The following DCTN5 variants were observed in gnomAD, a reference collection of about 807,000 sequenced individuals.
DCTN5 encodes dynactin 4.
Under a neutral mutation model 23.5 loss-of-function variants are expected in DCTN5, and 14 were observed. The ratio of observed to expected loss-of-function variants is 0.60; its 90% CI spans 0.39 to 0.93. The LOEUF (loss-of-function observed/expected upper bound fraction) is 0.93. Ranked by LOEUF, DCTN5 falls within the 40% of genes least tolerant of loss-of-function variation. The pLI, the probability that DCTN5 is intolerant of heterozygous loss-of-function variation, is 0.00. For missense variants in DCTN5, 156 were observed against 225.9 expected (o/e 0.69, Z 1.98); for synonymous variants, 67 against 79.6 (o/e 0.84, Z 0.84).
At chr16:23,648,075 C>T (rs555711479) in intron 2 of DCTN5, among the ~76,000 whole-genome samples, 80 of 151,978 alleles carry the variant, frequency 5.3e-4, no homozygotes, top group African/African-American at 1.9e-3. Context: ...TCCACATATC[C>T]CTAAATAATA....
intron 3 of DCTN5, among the ~76,000 whole-genome samples, chr16:23,660,956 T>G (rs74012308): frequency 0.063 from 9,646 of 152,238 alleles, 640 homozygotes; most frequent in African/African-American, 0.16. Flanking sequence ...GTTTTTCCTT[T>G]CATATTTCTT....
chr16:23,646,623 C>T (rs1967465402), intron 2 of DCTN5, among the ~76,000 whole-genome samples: 1 of 151,992 alleles, frequency 6.6e-6, no homozygotes, highest in Non-Finnish European at 1.5e-5. Flanking sequence ...GTCATCCAGG[C>T]TGGAGTGCAG....
intron 2 of DCTN5, among the ~76,000 whole-genome samples, chr16:23,654,850 TA>T (rs1200005754): frequency 6.6e-6 from 1 of 152,210 alleles, no homozygotes; most frequent in Non-Finnish European, 1.5e-5. Context: ...GAACGTGTGA[TA>T]TATGTCTTTC....
At position 23,645,126 on chromosome 16, in the gene DCTN5, TATATATATA is replaced by T. The variant is rs1449007594; in HGVS notation, c.117+2104_117+2112del. ...ATATATATATATATATATATATATA[TATATATATA>T]TATTTTTTTTTTTTTTAATACGCAG... On this transcript the variant is annotated intron_variant, in intron 2 of 5. Transcript: ENST00000300087. 1.9e-3 allele frequency among the ~76,000 whole-genome samples: 73 copies of T among 39,440 alleles called. 1 individual carries two copies. The highest frequency in any genetic ancestry group is 4.0e-3 in the East Asian group (6 of 1,486). The allele number at this position is 39,440 out of a possible 152,430, so 25.9% of individuals were successfully genotyped here. A position where few individuals can be genotyped will look rare whatever the true frequency, so the allele number is the denominator to read the frequency against.
intron 4 of DCTN5, among the ~76,000 whole-genome samples, chr16:23,664,170 C>A (rs1428151371): frequency 1.3e-5 from 2 of 152,138 alleles, no homozygotes; most frequent in African/African-American, 4.8e-5. Context: ...TAGCAGGTAA[C>A]CCACGGAAGA....
intron 2 of DCTN5, chr16:23,650,620 C>T (rs1445153553): frequency 1.0e-5 from 8 of 798,572 alleles, no homozygotes; most frequent in South Asian, 5.1e-5. Context: ...CCACTGCACC[C>T]GGCTGGCCCG....
At chr16:23,666,290 C>T (rs557362077) in intron 5 of DCTN5, among the ~76,000 whole-genome samples, 3 of 152,268 alleles carry the variant, frequency 2.0e-5, no homozygotes, top group African/African-American at 7.2e-5. Flanking sequence ...CCAGGAATTC[C>T]CAGACTGAAA....
intron 2 of DCTN5, among the ~76,000 whole-genome samples, chr16:23,649,640 C>CA (rs1967554961): frequency 1.3e-5 from 2 of 152,004 alleles, no homozygotes; most frequent in Admixed American, 1.3e-4. Context: ...GGCAGGAGTT[C>CA]AAGACCAGCC....
chr16:23,666,315 A>G (rs919768379), intron 5 of DCTN5, among the ~76,000 whole-genome samples: 8 of 152,206 alleles, frequency 5.3e-5, no homozygotes, highest in African/African-American at 1.4e-4. Flanking sequence ...AGCATAAACC[A>G]TGGTCTAAGA....
At chr16:23,655,585 C>G (rs566993389) in intron 2 of DCTN5, among the ~76,000 whole-genome samples, 4 of 151,528 alleles carry the variant, frequency 2.6e-5, no homozygotes, top group Non-Finnish European at 4.4e-5. Flanking sequence ...GCTCTGTCAC[C>G]CAGGTGGGAG....
In DCTN5 at chr16:23,645,112, TATATATATATATATATATA is replaced by T. The variant is rs1251183055; in HGVS notation, c.117+2090_117+2108del. ...ATATATATATATATATATATATATA[TATATATATATATATATATA>T]TATATATTTTTTTTTTTTTTAATAC... On this transcript the variant is annotated intron_variant, in intron 2 of 5. Coordinates refer to ENST00000300087, the MANE Select transcript of DCTN5 (RefSeq NM_032486.4). Among the ~76,000 whole-genome samples, 57 of 39,830 alleles carry T rather than the reference TATATATATATATATATATA, an allele frequency of 1.4e-3. 2 individuals carry two copies. The highest frequency in any genetic ancestry group is 2.1e-3 in the Admixed American group (7 of 3,262). The allele number at this position is 39,830 out of a possible 152,430, so 26.1% of individuals were successfully genotyped here.
chr16:23,666,042 T>TA, intron 5 of DCTN5: 1 of 282,550 alleles, frequency 3.5e-6, no homozygotes, highest in Admixed American at 4.9e-5. Flanking sequence ...GATACTCATG[T>TA]CGGGATGGAA....
Position 23,649,134 on chromosome 16 carries a change from T to A in DCTN5, c.117+6111T>A, listed in dbSNP as rs914549618. On this transcript the variant is annotated intron_variant, in intron 2 of 5. Coordinates refer to ENST00000300087, the MANE Select transcript of DCTN5 (RefSeq NM_032486.4). ...AGTTGGCCTCCCAAAATGCTGGGAT[T>A]ACAGGCATGAGCCACCGTGCCTGGC... Among the ~76,000 whole-genome samples the A allele has an allele frequency of 2.6e-5, 4 of 152,352 alleles. No homozygotes were observed. In the South Asian group the frequency reaches 8.3e-4, roughly 32 times the overall value.
At chr16:23,647,461 T>C (rs1967491598) in intron 2 of DCTN5, among the ~76,000 whole-genome samples, 1 of 152,104 alleles carries the variant, frequency 6.6e-6, no homozygotes, top group South Asian at 2.1e-4. Context: ...GTTTGTTCTT[T>C]TATAAGATTG....
intron 5 of DCTN5, chr16:23,666,048 T>C (rs1967900371): frequency 3.8e-6 from 1 of 261,314 alleles, no homozygotes; most frequent in Non-Finnish European, 7.3e-6. Flanking sequence ...CATGTCGGGA[T>C]GGAAATAAAG....
intron 2 of DCTN5, among the ~76,000 whole-genome samples, chr16:23,654,309 T>C (rs1332950895): frequency 6.6e-6 from 1 of 152,102 alleles, no homozygotes; most frequent in Admixed American, 6.5e-5. Context: ...ATAAAGAAAA[T>C]GTGGTACAGG....
rs553120344 is a variant in DCTN5, at chr16:23,661,106, A to G, written c.237-64A>G. 35 of 1,162,214 alleles carry G rather than the reference A, an allele frequency of 3.0e-5. 1 individual carries two copies. In the African/African-American group the frequency reaches 4.6e-4, roughly 15 times the overall value. The allele number at this position is 1,162,214 out of a possible 1,614,324, so 72.0% of individuals were successfully genotyped here. ...AGTTCAAATTATGATCTGTAGTTCT[A>G]TAAACCTTGACCCAAAGTACATCAT... On this transcript the variant is annotated intron_variant, in intron 3 of 5. Transcript: ENST00000300087.
At chr16:23,647,774 C>T (rs527486059) in intron 2 of DCTN5, among the ~76,000 whole-genome samples, 1 of 152,208 alleles carries the variant, frequency 6.6e-6, no homozygotes, top group South Asian at 2.1e-4. Flanking sequence ...TCCCAAAGTG[C>T]TTGGATTACA....
rs1968015493 is a variant in DCTN5, at chr16:23,672,021, C to G, written c.*4877C>G. On this transcript the variant is annotated 3_prime_UTR_variant, in exon 6 of 6. Transcript: ENST00000300087. ...GTTTCTTGGCCATACTGACCTGTGC[C>G]ATTTCAGCTGCATTCATCTCAGTTG... 6.6e-6 allele frequency: 1 copy of G among 152,136 alleles called. No individual in the cohort carries two copies. The highest frequency in any genetic ancestry group is 6.6e-5 in the Admixed American group (1 of 15,264). 9.4% of individuals were successfully genotyped at this position (152,136 alleles called of 1,614,324 possible).
Sources: allele counts gnomAD v4.1 joint callset (sites outside exome capture counted in the v4.1 genomes callset), GRCh38; gene constraint gnomAD v4.1.1; transcripts MANE v1.5; gene names NCBI Gene and HGNC (gene_info 2026-07-23, HGNC 2026-07-21).